FANCL: variants seen among roughly 807,000 people sequenced by gnomAD.
FANCL encodes the protein FA complementation group L.
In FANCL, 69 loss-of-function variants were observed where a neutral mutation model predicts 59.4. The observed-to-expected ratio is 1.16, with a 90% CI of 0.96 to 1.42. FANCL has a LOEUF of 1.42. FANCL is among the 40% of genes most tolerant of loss of function. The pLI is 0.00. For synonymous variants in FANCL, 180 were observed against 147.1 expected, an observed-to-expected ratio of 1.22 and a Z score of -1.62; for missense variants, 519 against 447.2, an observed-to-expected ratio of 1.16 and a Z score of -1.45.
At chr2:58,237,652 A>T (rs1485047209) in intron 1 of FANCL, among the ~76,000 whole-genome samples, 2 of 152,134 alleles carry the variant, frequency 1.3e-5, no homozygotes, top group Non-Finnish European at 2.9e-5. Context: ...AAAATTTATA[A>T]ACCTCTATCT....
At chr2:58,208,781 C>T (rs1461783408) in intron 5 of FANCL, among the ~76,000 whole-genome samples, 1 of 152,172 alleles carries the variant, frequency 6.6e-6, no homozygotes, top group Non-Finnish European at 1.5e-5. Flanking sequence ...CGTCTCTGTA[C>T]ACCAATCCAT....
At chr2:58,229,776 T>C (rs376851945) in intron 3 of FANCL, 38 bp downstream of exon 3, 1 of 1,427,162 alleles carries the variant, frequency 7.0e-7, no homozygotes, top group Non-Finnish European at 9.9e-7. Context: ...TAATTTCTTA[T>C]CTTCACTGAA....
chr2:58,177,084 T>C (rs983838198), intron 7 of FANCL, among the ~76,000 whole-genome samples: 1 of 152,066 alleles, frequency 6.6e-6, no homozygotes, highest in Non-Finnish European at 1.5e-5. Context: ...CAACGAGATA[T>C]CATCTCACAC....
At chr2:58,237,697 C>T (rs1694151209) in intron 1 of FANCL, among the ~76,000 whole-genome samples, 1 of 152,080 alleles carries the variant, frequency 6.6e-6, no homozygotes, top group Admixed American at 6.5e-5. Flanking sequence ...ACATAAATTA[C>T]CTACATCAGA....
intron 7 of FANCL, among the ~76,000 whole-genome samples, chr2:58,178,869 G>A (rs1687638978): frequency 6.6e-6 from 1 of 152,140 alleles, no homozygotes; most frequent in Non-Finnish European, 1.5e-5. Context: ...AAGCTGATAA[G>A]CAACATCAGC....
At chr2:58,227,322 G>A (rs1397412440) in intron 3 of FANCL, among the ~76,000 whole-genome samples, 1 of 152,190 alleles carries the variant, frequency 6.6e-6, no homozygotes, top group African/African-American at 2.4e-5. Flanking sequence ...CTTATTGCAA[G>A]GACAAAGAAC....
chr2:58,235,506 G>C (rs1332936908), intron 1 of FANCL, among the ~76,000 whole-genome samples: 1 of 152,110 alleles, frequency 6.6e-6, no homozygotes, highest in South Asian at 2.1e-4. Flanking sequence ...TACTTGGAAA[G>C]ATCAAACTGT....
In FANCL at chr2:58,189,081, C is replaced by A. The variant is rs145247181; in HGVS notation, c.540+9513G>T. Among the ~76,000 whole-genome samples the A allele has an allele frequency of 2.2e-3, 336 of 152,132 alleles. 1 individual carries two copies. Among genetic ancestry groups the A allele is most frequent in the African/African-American group, 7.7e-3 (318 of 41,490 alleles). On this transcript the variant is annotated intron_variant, in intron 7 of 13. Coordinates refer to ENST00000233741, the MANE Select transcript of FANCL (RefSeq NM_018062.4). ...GTAGCATAAAGCACATCAGTAGTTG[C>A]CTGAGGCCCTGGTGGAAGGTTGAGA... is the stretch of plus-strand genomic sequence containing the variant.
intron 6 of FANCL, among the ~76,000 whole-genome samples, chr2:58,199,469 T>C (rs1689779829): frequency 6.6e-6 from 1 of 152,164 alleles, no homozygotes; most frequent in African/African-American, 2.4e-5. Context: ...ATTAAAGATA[T>C]TAATTTTAGC....
At chr2:58,216,810 G>A (rs1691764906) in intron 5 of FANCL, among the ~76,000 whole-genome samples, 1 of 151,804 alleles carries the variant, frequency 6.6e-6, no homozygotes, top group Admixed American at 6.6e-5. Context: ...CTAGAGATGT[G>A]GGGTAGTTCT....
At chr2:58,208,926 C>A (rs1690856777) in intron 5 of FANCL, among the ~76,000 whole-genome samples, 1 of 152,240 alleles carries the variant, frequency 6.6e-6, no homozygotes, top group African/African-American at 2.4e-5. Flanking sequence ...CTGTTTAGCC[C>A]TAATATGTTA....
chr2:58,215,736 C>G (rs1284114334), intron 5 of FANCL, among the ~76,000 whole-genome samples: 1 of 150,210 alleles, frequency 6.7e-6, no homozygotes, highest in Non-Finnish European at 1.5e-5. Context: ...TTCCGCCAAT[C>G]TCTTGAGGAT....
chr2:58,239,466 CACAA>C (rs989591004), intron 1 of FANCL, among the ~76,000 whole-genome samples: 11 of 152,308 alleles, frequency 7.2e-5, no homozygotes, highest in Non-Finnish European at 1.0e-4. Flanking sequence ...TTATAAAAAA[CACAA>C]ACAGACTGAG....
At chr2:58,209,869 T>C (rs1015217585) in intron 5 of FANCL, among the ~76,000 whole-genome samples, 3 of 152,214 alleles carry the variant, frequency 2.0e-5, no homozygotes, top group African/African-American at 7.2e-5. Flanking sequence ...TTAACAATTA[T>C]ACAAAATATC....
chr2:58,240,900 A>G (rs967778445), intron 1 of FANCL, among the ~76,000 whole-genome samples: 1 of 152,216 alleles, frequency 6.6e-6, no homozygotes, highest in Non-Finnish European at 1.5e-5. Context: ...TTACAAAAAA[A>G]AAATTAAAAA....
intron 7 of FANCL, among the ~76,000 whole-genome samples, chr2:58,176,970 G>A (rs1687391296): frequency 6.6e-6 from 1 of 152,098 alleles, no homozygotes; most frequent in African/African-American, 2.4e-5. Context: ...AGTGGGCAAA[G>A]GACATGAACA....
intron 7 of FANCL, among the ~76,000 whole-genome samples, chr2:58,183,078 C>A (rs1008981348): frequency 6.6e-6 from 1 of 151,676 alleles, no homozygotes; most frequent in Admixed American, 6.6e-5. Flanking sequence ...ATATAGTACT[C>A]ATCCTAGAGA....
chr2:58,169,325 C>T (rs1023135895), intron 7 of FANCL, among the ~76,000 whole-genome samples: 31 of 152,050 alleles, frequency 2.0e-4, no homozygotes, highest in Admixed American at 1.3e-3. Context: ...GTCTGTTAGA[C>T]GGAAAACTAA....
In FANCL at chr2:58,163,379, C is replaced by G. The variant is rs80193830; in HGVS notation, c.775+55G>C. On this transcript the variant is annotated intron_variant, in intron 9 of 13. Transcript: ENST00000233741. The stretch of plus-strand genomic sequence containing the variant: ...AATATTGTCTAATAATTTAACAATG[C>G]TAGGCAAGGATTTTATGACTCTATT... 4,792 of 1,152,742 alleles carry G rather than the reference C, an allele frequency of 4.2e-3. 114 individuals carry two copies. In the African/African-American group the frequency reaches 0.057, roughly 14 times the overall value. The allele number at this position is 1,152,742 out of a possible 1,614,324, so 71.4% of individuals were successfully genotyped here.
Sources: allele counts gnomAD v4.1 joint callset (sites outside exome capture counted in the v4.1 genomes callset), GRCh38; gene constraint gnomAD v4.1.1; transcripts MANE v1.5; gene names NCBI Gene and HGNC (gene_info 2026-07-23, HGNC 2026-07-21).